SFI1: variants seen among roughly 807,000 people sequenced by gnomAD.
SFI1 encodes the protein SFI1 centrin binding protein, also known as protein SFI1 homolog.
SFI1 carries 195 observed loss-of-function variants against 207.5 expected under a neutral mutation model. That is an observed-to-expected ratio of 0.94 (90% CI 0.84 to 1.06). The LOEUF (loss-of-function observed/expected upper bound fraction) is 1.06, where lower values mean the gene tolerates loss of function less well. Among genes scored for constraint, SFI1 ranks in the 50% least tolerant of loss-of-function variants. SFI1 has a pLI of 0.00. For missense variants in SFI1, 1,634 were observed against 1,588.0 expected, an observed-to-expected ratio of 1.03 and a Z score of -0.49; for synonymous variants, 630 against 598.9, an observed-to-expected ratio of 1.05 and a Z score of -0.76.
At chr22:31,588,122 G>T (rs1320033708) in intron 14 of SFI1, among the ~76,000 whole-genome samples, 4 of 152,214 alleles carry the variant, frequency 2.6e-5, no homozygotes, top group Admixed American at 2.6e-4. Flanking sequence ...TCTGCTCCAA[G>T]ATCAGCCTCA....
intron 7 of SFI1, among the ~76,000 whole-genome samples, chr22:31,557,327 C>T (rs1280633771): frequency 1.3e-5 from 2 of 151,696 alleles, no homozygotes; most frequent in East Asian, 1.9e-4. Context: ...TACAGGCATG[C>T]GCCACTATGC....
chr22:31,584,062 T>A, intron 13 of SFI1, 90 bp downstream of exon 13: 1 of 1,071,898 alleles, frequency 9.3e-7, no homozygotes, highest in Non-Finnish European at 1.4e-6. Flanking sequence ...CTTCTATGCG[T>A]TAGTGTGGCA....
chr22:31,521,216 GTTC>G (rs1178524520), intron 2 of SFI1: 1 of 179,562 alleles, frequency 5.6e-6, no homozygotes, highest in Non-Finnish European at 1.3e-5. Context: ...GTCTTCTGTT[GTTC>G]TTTCTTCCCA....
At chr22:31,550,199 C>T in intron 5 of SFI1, 55 bp from the exon 6 acceptor site, 1 of 1,456,142 alleles carries the variant, frequency 6.9e-7, no homozygotes, top group East Asian at 2.3e-5. Flanking sequence ...GTGTGAGCCA[C>T]CGCGCCCGGC....
At chr22:31,586,546 T>C (rs760880764) in intron 14 of SFI1, among the ~76,000 whole-genome samples, 1 of 152,244 alleles carries the variant, frequency 6.6e-6, no homozygotes, top group Non-Finnish European at 1.5e-5. Context: ...TCTTGCCTCC[T>C]ACACTTAAGA....
At chr22:31,606,569 A>G (rs2069012922) in intron 21 of SFI1, 139 bp downstream of exon 21, 3 of 619,588 alleles carry the variant, frequency 4.8e-6, no homozygotes, top group South Asian at 4.1e-5. Flanking sequence ...TCCAGCACAC[A>G]CACAAACATC....
At position 31,592,896 on chromosome 22, in the gene SFI1, C is replaced by T. The variant is rs1252736270; in HGVS notation, c.1544+3319C>T. Among the ~76,000 whole-genome samples, 25 of 115,116 alleles carry T rather than the reference C, an allele frequency of 2.2e-4. 1 individual carries two copies. Among genetic ancestry groups the T allele is most frequent in the African/African-American group, 7.9e-4 (21 of 26,728 alleles). The allele number at this position is 115,116 out of a possible 152,430, so 75.5% of individuals were successfully genotyped here. A position where few individuals can be genotyped will look rare whatever the true frequency, so the allele number is the denominator to read the frequency against. On this transcript the variant is annotated intron_variant, in intron 15 of 32. Coordinates refer to ENST00000400288, the MANE Select transcript of SFI1 (RefSeq NM_001007467.3). ...CTCCCTCCCGGACGGGCTGGCTGGC[C>T]GGGCTGAGGGGCTCCTCACTTCCCA...
At chr22:31,522,026 A>C (rs2057332709) in intron 2 of SFI1, among the ~76,000 whole-genome samples, 1 of 149,584 alleles carries the variant, frequency 6.7e-6, no homozygotes, top group African/African-American at 2.5e-5. Flanking sequence ...TGGCCTCCCA[A>C]AGTGCTAGGA....
chr22:31,506,913 T>C (rs559368950), intron 1 of SFI1, among the ~76,000 whole-genome samples: 1 of 152,158 alleles, frequency 6.6e-6, no homozygotes, highest in East Asian at 1.9e-4. Context: ...AAAATCAATA[T>C]CATGAAAATG....
intron 4 of SFI1, among the ~76,000 whole-genome samples, chr22:31,546,628 CT>C (rs1023474233): frequency 0.022 from 2,686 of 120,196 alleles, 71 homozygotes; most frequent in African/African-American, 0.072. Context: ...CCGATGTTTA[CT>C]TTTTTTTTTT....
intron 15 of SFI1, among the ~76,000 whole-genome samples, chr22:31,601,496 G>A (rs1235738455): frequency 1.3e-5 from 2 of 152,094 alleles, no homozygotes; most frequent in African/African-American, 2.4e-5. Context: ...CCTCAGACTT[G>A]CTCAGTCAGC....
intron 2 of SFI1, among the ~76,000 whole-genome samples, chr22:31,528,006 A>C (rs2058097831): frequency 6.6e-6 from 1 of 151,956 alleles, no homozygotes; most frequent in Non-Finnish European, 1.5e-5. Flanking sequence ...CCCAGCTACT[A>C]GGGAGGCTGA....
intron 8 of SFI1, among the ~76,000 whole-genome samples, chr22:31,570,122 C>CAACA (rs72461126): frequency 1.4e-5 from 2 of 146,710 alleles, no homozygotes; most frequent in Non-Finnish European, 3.0e-5. Context: ...GAGACTCTGT[C>CAACA]AATAAATAAA....
intron 8 of SFI1, among the ~76,000 whole-genome samples, chr22:31,563,130 A>T (rs1285709218): frequency 6.6e-6 from 1 of 151,488 alleles, no homozygotes; most frequent in Non-Finnish European, 1.5e-5. Context: ...AGTAGCTGGG[A>T]CTCAGACGCA....
At chr22:31,526,666 G>A (rs542174334) in intron 2 of SFI1, among the ~76,000 whole-genome samples, 12 of 151,366 alleles carry the variant, frequency 7.9e-5, no homozygotes, top group Non-Finnish European at 1.6e-4. Flanking sequence ...AGTGATTCTC[G>A]TGCCCCAGCC....
chr22:31,509,213 T>G (rs1243399519), intron 2 of SFI1, among the ~76,000 whole-genome samples: 1 of 152,102 alleles, frequency 6.6e-6, no homozygotes, highest in Non-Finnish European at 1.5e-5. Flanking sequence ...AGGATATATG[T>G]GTATGTGAAA....
rs372778314 is a variant in SFI1, at chr22:31,582,281, G to A, written c.1249-1594G>A. Among the ~76,000 whole-genome samples, 215 of 101,078 alleles carry A rather than the reference G, an allele frequency of 2.1e-3. 2 individuals carry two copies. Among genetic ancestry groups the A allele is most frequent in the African/African-American group, 6.7e-3 (169 of 25,076 alleles). 66.3% of individuals were successfully genotyped at this position (101,078 alleles called of 152,430 possible). A position where few individuals can be genotyped will look rare whatever the true frequency, so the allele number is the denominator to read the frequency against. ...TTTTTTTTTTTTGAAACCGGGTCTC[G>A]CTCTCGCCCAGGCTGGAGTGCAGTA... On this transcript the variant is annotated intron_variant, in intron 12 of 32. Transcript: ENST00000400288.
At chr22:31,516,507 T>C (rs1218775993) in intron 2 of SFI1, among the ~76,000 whole-genome samples, 1 of 144,476 alleles carries the variant, frequency 6.9e-6, no homozygotes, top group Non-Finnish European at 1.5e-5. Context: ...AGTGAAACTC[T>C]CAAAAAGAAA....
intron 15 of SFI1, among the ~76,000 whole-genome samples, chr22:31,599,599 G>A (rs2067780415): frequency 6.6e-6 from 1 of 152,110 alleles, no homozygotes; most frequent in Admixed American, 6.6e-5. Context: ...CAAAGTGCTG[G>A]GATTACAGGC....
Sources: allele counts gnomAD v4.1 joint callset (sites outside exome capture counted in the v4.1 genomes callset), GRCh38; gene constraint gnomAD v4.1.1; transcripts MANE v1.5; gene names NCBI Gene and HGNC (gene_info 2026-07-23, HGNC 2026-07-21).